ADAP2: variants seen among roughly 807,000 people sequenced by gnomAD.
ADAP2 encodes ArfGAP with dual PH domains 2.
In ADAP2, 42 loss-of-function variants were observed where a neutral mutation model predicts 54.9. The ratio of observed to expected loss-of-function variants is 0.77; its 90% CI spans 0.60 to 0.99. The LOEUF is 0.99. Ranked by LOEUF, ADAP2 falls within the 50% of genes least tolerant of loss-of-function variation. The pLI is 0.00. For synonymous variants in ADAP2, 177 were observed against 180.1 expected (o/e 0.98, Z 0.14); for missense variants, 429 against 480.4 (o/e 0.89, Z 1.00).
intron 1 of ADAP2, among the ~76,000 whole-genome samples, chr17:30,922,544 T>C (rs1910706136): frequency 6.6e-6 from 1 of 151,752 alleles, no homozygotes; most frequent in African/African-American, 2.4e-5. Flanking sequence ...CCGCCGACAG[T>C]CCTGTGCCCC....
Position 30,941,003 on chromosome 17 carries a change from C to CA in ADAP2, c.511-3903dup, listed in dbSNP as rs535738153. On this transcript the variant is annotated intron_variant, in intron 5 of 10. Transcript: ENST00000330889. The stretch of plus-strand genomic sequence containing the variant: ...CATTGCTTTGATTATGCTTTGTCTT[C>CA]AGGATCATACTGGTAAAGCCATGTT... Among the ~76,000 whole-genome samples, 5 of 152,336 alleles carry CA rather than the reference C, an allele frequency of 3.3e-5. No homozygotes were observed. In the East Asian group the frequency reaches 9.6e-4, roughly 29 times the overall value.
intron 7 of ADAP2, among the ~76,000 whole-genome samples, chr17:30,949,861 G>T (rs1385553269): frequency 1.3e-5 from 2 of 152,212 alleles, no homozygotes; most frequent in Admixed American, 1.3e-4. Context: ...TTCTCCAGGG[G>T]AGCCTGCGGG....
chr17:30,928,164 G>A (rs2142512198), intron 3 of ADAP2, among the ~76,000 whole-genome samples: 1 of 141,902 alleles, frequency 7.0e-6, no homozygotes, highest in East Asian at 2.1e-4. Context: ...CTGCACTCCA[G>A]CCTGGGCAAC....
chr17:30,925,263 C>T (rs1910954276), intron 2 of ADAP2, among the ~76,000 whole-genome samples: 1 of 149,080 alleles, frequency 6.7e-6, no homozygotes, highest in Non-Finnish European at 1.5e-5. Context: ...GATCTCGGCT[C>T]ACTGCAACCT....
chr17:30,944,309 G>A (rs1312243600), intron 5 of ADAP2, among the ~76,000 whole-genome samples: 2 of 151,774 alleles, frequency 1.3e-5, no homozygotes, highest in Non-Finnish European at 2.9e-5. Context: ...ACATATAAAT[G>A]GAAGCTAAAC....
At chr17:30,953,459 C>A in intron 8 of ADAP2, 109 bp downstream of exon 8, 2 of 1,172,462 alleles carry the variant, frequency 1.7e-6, no homozygotes, top group Non-Finnish European at 2.5e-6. Flanking sequence ...TTAGGCCAAG[C>A]TTGTCCAACC....
intron 6 of ADAP2, among the ~76,000 whole-genome samples, chr17:30,946,394 T>G (rs1018567942): frequency 5.3e-5 from 8 of 152,160 alleles, no homozygotes; most frequent in Middle Eastern, 3.4e-3. Flanking sequence ...TTTTTTTGTA[T>G]TTTTAGTAGA....
chr17:30,949,279 C>T lies in ADAP2; in HGVS notation c.658-8C>T. On this transcript the variant is annotated splice_region_variant and splice_polypyrimidine_tract_variant and intron_variant, in intron 6 of 10. Transcript: ENST00000330889. ...CTGTGTGTGTGTCCTGTGCACTTCT[C>T]TCCGCAGGAGATAGTGGACTGGTTC... 1 of 1,612,378 alleles carries T rather than the reference C, an allele frequency of 6.2e-7. No homozygotes were observed. Among genetic ancestry groups the T allele is most frequent in the Non-Finnish European group, 8.5e-7 (1 of 1,178,758 alleles).
chr17:30,935,925 A>G (rs1911837269), intron 5 of ADAP2, among the ~76,000 whole-genome samples: 1 of 152,162 alleles, frequency 6.6e-6, no homozygotes, highest in Non-Finnish European at 1.5e-5. Flanking sequence ...ATTGAGATAC[A>G]ATTCACATAC....
chr17:30,938,240 G>A (rs982869718), intron 5 of ADAP2, among the ~76,000 whole-genome samples: 5 of 152,158 alleles, frequency 3.3e-5, no homozygotes, highest in African/African-American at 1.2e-4. Context: ...CCCTTAGCTG[G>A]CCAGAGACCC....
chr17:30,953,714 T>C (rs1027092720), intron 8 of ADAP2, among the ~76,000 whole-genome samples: 3 of 151,982 alleles, frequency 2.0e-5, no homozygotes, highest in Non-Finnish European at 4.4e-5. Context: ...TTTTTGTAAT[T>C]TTAGTAGAGA....
intron 5 of ADAP2, among the ~76,000 whole-genome samples, chr17:30,940,383 C>T (rs1355029416): frequency 6.6e-6 from 1 of 151,890 alleles, no homozygotes; most frequent in African/African-American, 2.4e-5. Context: ...CGGCTCACTG[C>T]AACCTTCGCC....
intron 2 of ADAP2, among the ~76,000 whole-genome samples, chr17:30,926,473 G>T (rs1223041012): frequency 1.3e-5 from 2 of 152,140 alleles, no homozygotes; most frequent in African/African-American, 4.8e-5. Context: ...GTCAGGTCTG[G>T]GTTCAAATCC....
At chr17:30,951,415 C>T (rs1904618625) in intron 7 of ADAP2, among the ~76,000 whole-genome samples, 1 of 151,966 alleles carries the variant, frequency 6.6e-6, no homozygotes, top group African/African-American at 2.4e-5. Flanking sequence ...TCTGTTTTCT[C>T]CAAATGGAAC....
At chr17:30,923,773 C>T (rs1910826107) in intron 2 of ADAP2, among the ~76,000 whole-genome samples, 1 of 142,724 alleles carries the variant, frequency 7.0e-6, no homozygotes, top group African/African-American at 2.6e-5. Context: ...AATCTCGGCT[C>T]ACTGCAACCT....
At chr17:30,933,407 C>T (rs1399073523) in intron 4 of ADAP2, among the ~76,000 whole-genome samples, 1 of 151,996 alleles carries the variant, frequency 6.6e-6, no homozygotes, top group Non-Finnish European at 1.5e-5. Context: ...AGGCTGATCT[C>T]AAACTCCTGA....
chr17:30,942,087 G>C (rs935916930), intron 5 of ADAP2, among the ~76,000 whole-genome samples: 1 of 151,986 alleles, frequency 6.6e-6, no homozygotes, highest in African/African-American at 2.4e-5. Flanking sequence ...TGTATTTTTA[G>C]TAGAGACAGG....
Position 30,922,034 on chromosome 17 carries a change from A to G in ADAP2, c.20A>G (p.Asn7Ser). The change falls in exon 1 of 11, where the codon AAC becomes AGC. Residue 7 changes from asparagine to serine, a missense_variant. Coordinates refer to ENST00000330889, the MANE Select transcript of ADAP2 (RefSeq NM_018404.3). ...CCGGCCATGGGCGATCGCGAGCGCA[A>G]CAAGAAGCGGCTGCTGGAGCTGCTG... is the stretch of plus-strand genomic sequence containing the variant. MGDRER[N>S]KKRLLELLRA... is the part of the protein sequence containing the mutation. 1 of 1,277,406 alleles carries G rather than the reference A, an allele frequency of 7.8e-7. No homozygotes were observed. The highest frequency in any genetic ancestry group is 9.8e-7 in the Non-Finnish European group (1 of 1,016,586). The allele number at this position is 1,277,406 out of a possible 1,614,324, so 79.1% of individuals were successfully genotyped here. A position where few individuals can be genotyped will look rare whatever the true frequency, so the allele number is the denominator to read the frequency against.
At chr17:30,922,440 C>T (rs925345274) in intron 1 of ADAP2, among the ~76,000 whole-genome samples, 11 of 152,254 alleles carry the variant, frequency 7.2e-5, no homozygotes, top group Non-Finnish European at 1.5e-4. Context: ...GGCACCCGAC[C>T]GCCCGAGTCC....
Sources: allele counts gnomAD v4.1 joint callset (sites outside exome capture counted in the v4.1 genomes callset), GRCh38; gene constraint gnomAD v4.1.1; transcripts MANE v1.5; gene names NCBI Gene and HGNC (gene_info 2026-07-23, HGNC 2026-07-21).